SPTBN4: variants seen among roughly 807,000 people sequenced by gnomAD.
SPTBN4 encodes spectrin beta chain, non-erythrocytic 4.
A neutral mutation model predicts 277.8 loss-of-function variants in SPTBN4; 96 were observed. The ratio of observed to expected loss-of-function variants is 0.35; its 90% confidence interval spans 0.29 to 0.41. SPTBN4 has a LOEUF of 0.41. Ranked by LOEUF, SPTBN4 falls within the 10% of genes least tolerant of loss-of-function variation. SPTBN4 has a pLI of 1.00. For synonymous variants in SPTBN4, 1,481 were observed against 1,580.3 expected (o/e 0.94, Z 1.49); for missense variants, 3,006 against 3,595.7 (o/e 0.84, Z 4.19).
At chr19:40,509,572 A>G (rs934217843) in intron 13 of SPTBN4, among the ~76,000 whole-genome samples, 2 of 152,116 alleles carry the variant, frequency 1.3e-5, no homozygotes, top group African/African-American at 4.8e-5. Context: ...TCCTCAGAAC[A>G]CGATGGCTAG....
chr19:40,504,424 T>C (rs1287898088), intron 12 of SPTBN4, among the ~76,000 whole-genome samples: 3 of 152,132 alleles, frequency 2.0e-5, no homozygotes, highest in Non-Finnish European at 4.4e-5. Context: ...ACCAGCACTT[T>C]GGGAGGCCAA....
Position 40,523,402 on chromosome 19 carries a change from A to G in SPTBN4, c.3655-35A>G. On this transcript the variant is annotated intron_variant, in intron 16 of 35. Transcript: ENST00000598249. ...CTCTCCCAGGTCCTGGAATGGAATG[A>G]GGCTGACCTTTGCACCACGCTCCCT... 3 of 1,556,664 alleles carry G rather than the reference A, an allele frequency of 1.9e-6. No homozygotes were observed. The African/African-American group carries it at 4.1e-5, about 21-fold the overall frequency.
In SPTBN4 at chr19:40,555,638, G is replaced by C. The variant is rs2080970058; in HGVS notation, c.5085-446G>C. Among the ~76,000 whole-genome samples the C allele has an allele frequency of 3.3e-5, 5 of 151,976 alleles. 1 individual carries two copies. The South Asian group carries it at 1.0e-3, about 32-fold the overall frequency. ...GAACCCAAGACTTGCAGAAAACAGA[G>C]TCCTGGCCAGGTGTAGTGGCTCACA... On this transcript the variant is annotated intron_variant, in intron 24 of 35. Coordinates refer to ENST00000598249, the MANE Select transcript of SPTBN4 (RefSeq NM_020971.3).
At chr19:40,556,992 C>A in intron 25 of SPTBN4, 31 bp from the exon 26 acceptor site, 1 of 1,515,120 alleles carries the variant, frequency 6.6e-7, no homozygotes, top group African/African-American at 1.4e-5. Context: ...GCTCACTTTG[C>A]TGTACCCCCC....
At chr19:40,545,199 A>G (rs865848306) in intron 20 of SPTBN4, among the ~76,000 whole-genome samples, 9 of 151,824 alleles carry the variant, frequency 5.9e-5, no homozygotes, top group African/African-American at 2.2e-4. Flanking sequence ...AAGTTCAAGC[A>G]ATTCTCCTGC....
At chr19:40,534,944 A>G (rs1219411881) in intron 20 of SPTBN4, 4 of 153,532 alleles carry the variant, frequency 2.6e-5, no homozygotes, top group African/African-American at 9.6e-5. Flanking sequence ...TGCTTGGTAC[A>G]CAGCAGTTCA....
At chr19:40,512,550 C>T in intron 13 of SPTBN4, 56 bp from the exon 14 acceptor site, 6 of 1,460,760 alleles carry the variant, frequency 4.1e-6, no homozygotes, top group Non-Finnish European at 3.6e-6. Flanking sequence ...ACCATCCTCT[C>T]TTGGGCGCCC....
chr19:40,544,140 T>G (rs1321772186), intron 20 of SPTBN4, among the ~76,000 whole-genome samples: 1 of 151,510 alleles, frequency 6.6e-6, no homozygotes, highest in African/African-American at 2.4e-5. Context: ...TTTTTTTTTT[T>G]TTTTTGTTTG....
intron 30 of SPTBN4, 66 bp from the exon 31 acceptor site, chr19:40,567,597 C>T (rs932869504): frequency 1.5e-6 from 2 of 1,377,552 alleles, no homozygotes; most frequent in East Asian, 3.0e-5. Flanking sequence ...GCCGCCTCCC[C>T]GGACCTCCCC....
intron 27 of SPTBN4, among the ~76,000 whole-genome samples, chr19:40,562,366 C>T (rs553584968): frequency 1.8e-4 from 27 of 152,026 alleles, no homozygotes; most frequent in African/African-American, 6.0e-4. Context: ...CCCGCCTCTA[C>T]TAAAAATACA....
rs1343265326 is a variant in SPTBN4 at position 40,490,077 on chromosome 19, C to T, written c.324C>T (p.Pro108=). The change falls in exon 4 of 36, where the codon CCC becomes CCT. Residue 108 remains proline (P), a splice_region_variant and synonymous_variant. Transcript: ENST00000598249. The surrounding 1 kb of genome is among the most constrained non-coding windows in gnomAD (Gnocchi z 4.3). ...LLEVLSGEQL[P]RPTRGRMRIH... ...GCCCACCGCCCCTGTCGCCCTAGCC[C>T]AGGCCCACGCGCGGCCGCATGCGGA... The T allele has an allele frequency of 1.2e-6, 2 of 1,606,908 alleles. No individual in the cohort carries two copies. Among genetic ancestry groups the T allele is most frequent in the Admixed American group, 3.4e-5 (2 of 59,418 alleles).
chr19:40,561,254 C>T (rs990166373), intron 27 of SPTBN4, among the ~76,000 whole-genome samples: 1 of 152,052 alleles, frequency 6.6e-6, no homozygotes, highest in African/African-American at 2.4e-5. Flanking sequence ...CTCAAGTGGT[C>T]CACCTGCCTC....
At chr19:40,514,834 G>A (rs2080435643) in intron 14 of SPTBN4, among the ~76,000 whole-genome samples, 1 of 152,216 alleles carries the variant, frequency 6.6e-6, no homozygotes, top group South Asian at 2.1e-4. Context: ...GCTGGGCGTG[G>A]TGGCTCACGC....
intron 19 of SPTBN4, 34 bp from the exon 20 acceptor site, chr19:40,534,042 ATCTT>A: frequency 6.4e-7 from 1 of 1,567,066 alleles, no homozygotes; most frequent in South Asian, 1.2e-5. Context: ...CCATCTATCT[ATCTT>A]CTCCATCTCC....
Position 40,532,732 on chromosome 19 carries a change from G to C in SPTBN4, c.4056G>C (p.Glu1352Asp), listed in dbSNP as rs1211964560. 6.2e-7 allele frequency: 1 copy of C among 1,613,370 alleles called. No individual in the cohort carries two copies. The highest frequency in any genetic ancestry group is 8.5e-7 in the Non-Finnish European group (1 of 1,179,604). Reference protein sequence around the residue: ...RWLRHQAFMAELAQNKEWLEK... With the variant: ...RWLRHQAFMADLAQNKEWLEK... Reference sequence around the variant, plus strand: ...TCCGGCACCAGGCATTCATGGCCGAGCTGGCTCAGAATAAGGAGTGGCTGG... The same window carrying C: ...TCCGGCACCAGGCATTCATGGCCGACCTGGCTCAGAATAAGGAGTGGCTGG... The change falls in exon 19 of 36, where the codon GAG becomes GAC. Residue 1352 changes from glutamate to aspartate, a missense_variant. By Grantham distance (45) the Glu-to-Asp change is conservative (BLOSUM62 2). Coordinates refer to ENST00000598249, the MANE Select transcript of SPTBN4 (RefSeq NM_020971.3).
chr19:40,516,622 G>A (rs987716286), intron 15 of SPTBN4, among the ~76,000 whole-genome samples: 4 of 152,020 alleles, frequency 2.6e-5, no homozygotes, highest in East Asian at 1.9e-4. Flanking sequence ...TCAGGAGTTC[G>A]AGACCAGCCT....
In SPTBN4 at chr19:40,565,320, T is replaced by TA. The variant is rs1282044326; in HGVS notation, c.5916-103_5916-102insA. On this transcript the variant is annotated intron_variant, in intron 27 of 35. Transcript: ENST00000598249. The stretch of plus-strand genomic sequence containing the variant: ...AGAAAGTAAGTGTCTTGAGGTGGTA[T>TA]GGGATGTCAGCCTCAAGGATTTGGG... The TA allele has an allele frequency of 8.9e-6, 12 of 1,354,214 alleles. No homozygotes were observed. The Middle Eastern group carries it at 5.6e-4, about 63-fold the overall frequency. 83.9% of individuals were successfully genotyped at this position (1,354,214 alleles called of 1,614,324 possible).
intron 20 of SPTBN4, among the ~76,000 whole-genome samples, chr19:40,543,123 C>A (rs1279851105): frequency 6.6e-6 from 1 of 152,084 alleles, no homozygotes; most frequent in Non-Finnish European, 1.5e-5. Flanking sequence ...GGAAAGAGAG[C>A]ATCTCTTCTG....
intron 18 of SPTBN4, 112 bp from the exon 19 acceptor site, chr19:40,532,513 T>G: frequency 7.3e-7 from 1 of 1,369,916 alleles, no homozygotes; most frequent in African/African-American, 1.5e-5. Context: ...TCCTATTCCT[T>G]CCACCCATAC....
Sources: gnomAD v4.1 joint callset for allele counts (sites outside exome capture counted in the v4.1 genomes callset) on GRCh38, gnomAD v4.1.1 for gene constraint, Gnocchi (gnomAD v3.1) non-coding constraint, MANE v1.5 for transcripts, NCBI Gene and HGNC (gene_info 2026-07-23, HGNC 2026-07-21) for gene names.